WDFY4: variants seen among roughly 807,000 people sequenced by gnomAD.
WDFY4 encodes WD repeat- and FYVE domain-containing protein 4.
WDFY4 carries 169 observed loss-of-function variants against 351.9 expected under a neutral mutation model. The observed-to-expected ratio is 0.48, with a 90% CI of 0.42 to 0.55. The LOEUF is 0.55. Among genes scored for constraint, WDFY4 ranks in the 20% least tolerant of loss-of-function variants. WDFY4 has a pLI of 0.00. For synonymous variants in WDFY4, 1,622 were observed against 1,574.6 expected, an observed-to-expected ratio of 1.03 and a Z score of -0.71; for missense variants, 3,803 against 3,935.6, an observed-to-expected ratio of 0.97 and a Z score of 0.90.
chr10:48,709,478 A>G (rs947140586), intron 1 of WDFY4, among the ~76,000 whole-genome samples: 4 of 152,138 alleles, frequency 2.6e-5, no homozygotes, highest in Admixed American at 6.5e-5. Flanking sequence ...AGTCTGTCTG[A>G]GTCTTGTGTA....
At chr10:48,829,501 C>A (rs2068115740) in intron 37 of WDFY4, among the ~76,000 whole-genome samples, 1 of 152,202 alleles carries the variant, frequency 6.6e-6, no homozygotes, top group African/African-American at 2.4e-5. Flanking sequence ...GCCACTCCTT[C>A]TGCCAGTCTG....
chr10:48,764,760 A>T (rs1173482165), intron 13 of WDFY4, among the ~76,000 whole-genome samples: 1 of 152,266 alleles, frequency 6.6e-6, no homozygotes, highest in Non-Finnish European at 1.5e-5. Context: ...CAGACCACCT[A>T]CTATGTGCCT....
intron 47 of WDFY4, among the ~76,000 whole-genome samples, chr10:48,931,652 G>T (rs983597689): frequency 6.6e-6 from 1 of 152,150 alleles, no homozygotes; most frequent in African/African-American, 2.4e-5. Flanking sequence ...GGGTAGTTTG[G>T]GCTCATTGCT....
At chr10:48,888,402 C>T (rs1357114679) in intron 43 of WDFY4, among the ~76,000 whole-genome samples, 1 of 151,662 alleles carries the variant, frequency 6.6e-6, no homozygotes, top group East Asian at 1.9e-4. Flanking sequence ...AATTCTCCAT[C>T]TTCTTGTTTA....
chr10:48,767,096 G>T (rs7075745), intron 13 of WDFY4, among the ~76,000 whole-genome samples: 2,308 of 152,296 alleles, frequency 0.015, 38 homozygotes, highest in Middle Eastern at 0.058. Flanking sequence ...AGTGCATGAT[G>T]CAGTATCAAA....
rs199942999 is a variant in WDFY4 at position 48,974,903 on chromosome 10, G to C, written c.8970G>C (p.Ala2990=). The C allele has an allele frequency of 9.2e-5, 142 of 1,550,944 alleles. No homozygotes were observed. The East Asian group carries it at 3.0e-3, about 33-fold the overall frequency. Residue 2990 remains alanine, a synonymous_variant, in exon 58 of 62, where the codon GCG becomes GCC. Transcript: ENST00000325239. ...CACAGGCTGTCACGTGCCTGGCAGC[G>C]TCAGTCACCTTCAGCCTCCTGGTGA... ...GHTQAVTCLA[A]SVTFSLLVSG... is the part of the protein sequence containing the mutation.
intron 60 of WDFY4, 86 bp downstream of exon 60, chr10:48,978,479 A>C: frequency 7.7e-7 from 1 of 1,302,088 alleles, no homozygotes; most frequent in African/African-American, 1.5e-5. Flanking sequence ...CAAGGGCTGC[A>C]GCTCCTCCCA....
chr10:48,885,882 T>G (rs1349431984), intron 43 of WDFY4, among the ~76,000 whole-genome samples: 1 of 152,196 alleles, frequency 6.6e-6, no homozygotes, highest in Non-Finnish European at 1.5e-5. Context: ...CTAGAGCTCA[T>G]AGATGACCAA....
At chr10:48,923,861 A>G (rs565169543) in intron 47 of WDFY4, among the ~76,000 whole-genome samples, 85 of 152,324 alleles carry the variant, frequency 5.6e-4, no homozygotes, top group African/African-American at 2.0e-3. Context: ...CACACTGAGC[A>G]TGGCTTAGAG....
At chr10:48,932,415 A>G (rs1454582427) in intron 47 of WDFY4, 2 of 152,178 alleles carry the variant, frequency 1.3e-5, no homozygotes, top group Non-Finnish European at 2.9e-5. Context: ...ATTAATACTA[A>G]CATTACTAGT....
intron 25 of WDFY4, chr10:48,804,669 C>T (rs2067195608): frequency 2.1e-6 from 2 of 971,376 alleles, no homozygotes; most frequent in Non-Finnish European, 2.4e-6. Context: ...CCACTTTGTT[C>T]CTGTACCTGT....
intron 41 of WDFY4, among the ~76,000 whole-genome samples, chr10:48,874,510 G>T (rs1228059253): frequency 2.0e-5 from 3 of 151,992 alleles, no homozygotes; most frequent in African/African-American, 7.3e-5. Context: ...TTTTACTCAT[G>T]CTAAAAATCC....
chr10:48,820,978 C>A (rs557143884), intron 33 of WDFY4, 84 bp from the exon 34 acceptor site: 438 of 959,906 alleles, frequency 4.6e-4, no homozygotes, highest in Non-Finnish European at 5.0e-4. Context: ...GCATAAGTGT[C>A]CCAGCCAGGC....
At chr10:48,888,515 C>G (rs1355090816) in intron 43 of WDFY4, among the ~76,000 whole-genome samples, 1 of 152,020 alleles carries the variant, frequency 6.6e-6, no homozygotes, top group Non-Finnish European at 1.5e-5. Context: ...CTTTCTAATG[C>G]CATCTCCACC....
chr10:48,781,981 G>A (rs1015539155), intron 19 of WDFY4, among the ~76,000 whole-genome samples: 1 of 152,208 alleles, frequency 6.6e-6, no homozygotes, highest in Non-Finnish European at 1.5e-5. Flanking sequence ...GGAGTGGCTT[G>A]TTACAGAAAC....
At chr10:48,807,989 G>A (rs1202751161) in intron 28 of WDFY4, 31 bp downstream of exon 28, 4 of 1,501,300 alleles carry the variant, frequency 2.7e-6, no homozygotes, top group Non-Finnish European at 3.6e-6. Flanking sequence ...CAATTTGGCA[G>A]GAGGTTACCT....
chr10:48,819,987 A>C (rs1388798609), intron 32 of WDFY4, among the ~76,000 whole-genome samples: 1 of 152,180 alleles, frequency 6.6e-6, no homozygotes, highest in Admixed American at 6.5e-5. Flanking sequence ...CATCATGAAC[A>C]CTGCAGGCCT....
In WDFY4 at chr10:48,739,148, C is replaced by T. The variant is rs111922190; in HGVS notation, c.1878+3078C>T. On this transcript the variant is annotated intron_variant, in intron 11 of 61. Transcript: ENST00000325239. ...TCTGAGCTTAATTGCATTACCTCAC[C>T]GGTATTCCACCATGACACATGGAAA... Among the ~76,000 whole-genome samples the T allele has an allele frequency of 5.2e-3, 790 of 152,272 alleles. 2 individuals are homozygous for T. The highest frequency in any genetic ancestry group is 8.1e-3 in the Non-Finnish European group (549 of 68,024).
At chr10:48,900,419 C>G (rs938249858) in intron 46 of WDFY4, 113 bp downstream of exon 46, 35 of 992,474 alleles carry the variant, frequency 3.5e-5, no homozygotes, top group Admixed American at 1.4e-4. Context: ...ACAGTGAACG[C>G]CACTCAGGCT....
Sources: allele counts gnomAD v4.1 joint callset (sites outside exome capture counted in the v4.1 genomes callset), GRCh38; gene constraint gnomAD v4.1.1; transcripts MANE v1.5; gene names NCBI Gene and HGNC (gene_info 2026-07-23, HGNC 2026-07-21).